The following IGF2BP1 variants were observed in gnomAD, a reference collection of about 807,000 sequenced individuals.
The protein encoded by IGF2BP1 is insulin like growth factor 2 mRNA binding protein 1, also known as insulin-like growth factor 2 mRNA-binding protein 1.
A neutral mutation model predicts 74.9 loss-of-function variants in IGF2BP1; 11 were observed. The observed-to-expected ratio is 0.15, with a 90% CI of 0.09 to 0.24. The LOEUF (loss-of-function observed/expected upper bound fraction) is 0.24. IGF2BP1 is among the 10% of genes least tolerant of loss of function. IGF2BP1 has a pLI of 1.00. For synonymous variants in IGF2BP1, 287 were observed against 281.8 expected, an observed-to-expected ratio of 1.02 and a Z score of -0.18; for missense variants, 440 against 757.4, an observed-to-expected ratio of 0.58 and a Z score of 4.92.
Position 49,031,976 on chromosome 17 carries a change from G to A in IGF2BP1, c.401+3G>A. ...TCCAACCGGGAGCAGACCAGGCAGT[G>A]AGTGGGCTGGGAAGTGGGGCTGGGT... On this transcript the variant is annotated splice_donor_region_variant and intron_variant, in intron 5 of 14. Coordinates refer to ENST00000290341, the MANE Select transcript of IGF2BP1 (RefSeq NM_006546.4). 3 of 1,602,976 alleles carry A rather than the reference G, an allele frequency of 1.9e-6. No homozygotes were observed. The Middle Eastern group carries it at 5.0e-4, about 265-fold the overall frequency.
chr17:49,024,972 A>G (rs1016862660), intron 2 of IGF2BP1, among the ~76,000 whole-genome samples: 6 of 152,176 alleles, frequency 3.9e-5, no homozygotes, highest in African/African-American at 1.4e-4. Context: ...TGGGCAGATC[A>G]TCTGAGGTCA....
chr17:49,040,577 T>C (rs2042040041), intron 7 of IGF2BP1, among the ~76,000 whole-genome samples: 1 of 152,244 alleles, frequency 6.6e-6, no homozygotes, highest in South Asian at 2.1e-4. Flanking sequence ...TGTGTGTATA[T>C]TGTGTCTGCG....
chr17:49,037,679 C>A (rs2042005519), intron 5 of IGF2BP1, among the ~76,000 whole-genome samples: 1 of 152,226 alleles, frequency 6.6e-6, no homozygotes, highest in South Asian at 2.1e-4. Context: ...TTGGTTTCAT[C>A]ATCTCTAAAG....
intron 1 of IGF2BP1, 106 bp from the exon 2 acceptor site, chr17:48,999,003 C>G (rs931572432): frequency 2.8e-6 from 2 of 705,740 alleles, no homozygotes; most frequent in Non-Finnish European, 5.0e-6. Context: ...AGGAAGATCT[C>G]GAATCCCAGT....
intron 5 of IGF2BP1, among the ~76,000 whole-genome samples, chr17:49,035,939 C>G (rs946826896): frequency 2.0e-5 from 3 of 152,140 alleles, no homozygotes; most frequent in Non-Finnish European, 4.4e-5. Flanking sequence ...CTGCACTAGG[C>G]GGGAGTGGAG....
intron 9 of IGF2BP1, 63 bp from the exon 10 acceptor site, chr17:49,043,365 G>A (rs978553444): frequency 4.4e-5 from 70 of 1,592,760 alleles, no homozygotes; most frequent in Non-Finnish European, 5.7e-5. Context: ...TTTATACAGC[G>A]GGGGTCACAC....
chr17:49,036,106 G>C (rs1012697944), intron 5 of IGF2BP1, among the ~76,000 whole-genome samples: 11 of 152,106 alleles, frequency 7.2e-5, no homozygotes, highest in Non-Finnish European at 1.5e-4. Flanking sequence ...GACCGGGGTT[G>C]ACTGGAAGCG....
chr17:49,009,837 T>G (rs749271101), intron 2 of IGF2BP1, among the ~76,000 whole-genome samples: 1 of 152,116 alleles, frequency 6.6e-6, no homozygotes, highest in Non-Finnish European at 1.5e-5. Context: ...CCCAGCACTT[T>G]GGGAGGCCGA....
intron 2 of IGF2BP1, among the ~76,000 whole-genome samples, chr17:49,009,696 C>T (rs905295500): frequency 2.0e-5 from 3 of 148,106 alleles, no homozygotes; most frequent in South Asian, 2.2e-4. Context: ...GCAACAAGAG[C>T]GAAACTCCAT....
chr17:49,014,752 C>T (rs2041671925), intron 2 of IGF2BP1: 1 of 984,990 alleles, frequency 1.0e-6, no homozygotes. Flanking sequence ...GGGGCTGGTG[C>T]CCAGATGTTT....
At chr17:49,027,853 G>GAGA (rs2041876208) in intron 4 of IGF2BP1, among the ~76,000 whole-genome samples, 1 of 42,882 alleles carries the variant, frequency 2.3e-5, no homozygotes, top group East Asian at 1.1e-3. Context: ...CTCTGTCTCA[G>GAGA]AAAAAAAAAA....
intron 2 of IGF2BP1, among the ~76,000 whole-genome samples, chr17:49,019,995 TACACACACACACACATATATATAC>T (rs1409853284): frequency 0.098 from 4,662 of 47,698 alleles, 228 homozygotes; most frequent in Middle Eastern, 0.12. Context: ...CACATATATA[TACACACACACACACATATATATAC>T]ACACACACAC....
At chr17:49,027,992 G>A (rs1197713872) in intron 4 of IGF2BP1, among the ~76,000 whole-genome samples, 2 of 151,720 alleles carry the variant, frequency 1.3e-5, no homozygotes, top group Non-Finnish European at 2.9e-5. Context: ...GGGAAACAGT[G>A]AGACTCCATG....
At chr17:49,037,358 C>A in intron 5 of IGF2BP1, 1 of 499,772 alleles carries the variant, frequency 2.0e-6, no homozygotes, top group South Asian at 2.2e-5. Context: ...AAATGGAATA[C>A]CTGAAGGAAG....
chr17:48,997,787 C>G lies in IGF2BP1; in HGVS notation c.42C>G (p.Thr14=), dbSNP rs747781560. 5 of 1,614,104 alleles carry G rather than the reference C, an allele frequency of 3.1e-6. No individual in the cohort carries two copies. The East Asian group carries it at 8.9e-5, about 29-fold the overall frequency. ...LYIGNLNESV[T]PADLEKVFAE... ...TCGGCAACCTCAACGAGAGCGTGAC[C>G]CCCGCGGACTTGGAGAAAGTGTTTG... The change falls in exon 1 of 15, where the codon ACC becomes ACG. Residue 14 remains threonine (T), a synonymous_variant. Coordinates refer to ENST00000290341, the MANE Select transcript of IGF2BP1 (RefSeq NM_006546.4). The surrounding 1 kb of genome is among the most constrained non-coding windows in gnomAD (Gnocchi z 4.8).
chr17:49,044,632 A>C (rs899635137), intron 11 of IGF2BP1, among the ~76,000 whole-genome samples: 1 of 152,178 alleles, frequency 6.6e-6, no homozygotes, highest in African/African-American at 2.4e-5. Context: ...AAAAACCTTG[A>C]TTGTTCTCCA....
chr17:49,008,476 T>C (rs1435588974), intron 2 of IGF2BP1, among the ~76,000 whole-genome samples: 8 of 152,262 alleles, frequency 5.3e-5, no homozygotes, highest in African/African-American at 9.6e-5. Flanking sequence ...GAGTGATTGC[T>C]GTCCAGAATG....
chr17:49,040,196 C>T (rs1170056608), intron 7 of IGF2BP1, 105 bp downstream of exon 7: 9 of 1,222,368 alleles, frequency 7.4e-6, no homozygotes, highest in African/African-American at 1.5e-5. Flanking sequence ...ATACAGTCAG[C>T]AATTGCACAA....
chr17:48,998,118 G>C (rs997069499), intron 1 of IGF2BP1, among the ~76,000 whole-genome samples, 198 bp downstream of exon 1: 2 of 151,980 alleles, frequency 1.3e-5, no homozygotes, highest in Admixed American at 1.3e-4. Context: ...AAACATTCGG[G>C]ATTTCCTCAT....
Sources: gnomAD v4.1 joint callset for allele counts (sites outside exome capture counted in the v4.1 genomes callset) on GRCh38, gnomAD v4.1.1 for gene constraint, Gnocchi (gnomAD v3.1) non-coding constraint, MANE v1.5 for transcripts, NCBI Gene and HGNC (gene_info 2026-07-23, HGNC 2026-07-21) for gene names.